ATP1A3: variants seen among roughly 807,000 people sequenced by gnomAD.
The protein encoded by ATP1A3 is ATPase Na+/K+ transporting subunit alpha 3.
A neutral mutation model predicts 108.8 loss-of-function variants in ATP1A3; 12 were observed. That is an observed-to-expected ratio of 0.11 (90% CI 0.07 to 0.18). The LOEUF (loss-of-function observed/expected upper bound fraction) is 0.18, where lower values mean the gene tolerates loss of function less well. ATP1A3 is among the 10% of genes least tolerant of loss of function. The probability of loss-of-function intolerance (pLI) is 1.00; values close to 1 mark genes in which losing one functional copy is unlikely to be tolerated. For synonymous variants in ATP1A3, 539 were observed against 564.5 expected, an observed-to-expected ratio of 0.95 and a Z score of 0.64; for missense variants, 498 against 1,387.7, an observed-to-expected ratio of 0.36 and a Z score of 10.19.
rs2075192245 is a variant in ATP1A3 at position 41,978,190 on chromosome 19, G to T, written c.1767C>A (p.Val589=). The change falls in exon 13 of 23, where the codon GTC becomes GTA. Residue 589 remains valine, a synonymous_variant. Coordinates refer to ENST00000648268, the MANE Select transcript of ATP1A3 (RefSeq NM_152296.5). The surrounding 1 kb of genome is among the most constrained non-coding windows in gnomAD (Gnocchi z 8.3). ...MSMIDPPRAA[V]PDAVGKCRSA... ...TGCGACACTTGCCCACCGCGTCAGGGACGGCTGCCCGGGGTGGGTCGATCA... is the reference window on the plus strand; with the variant it reads ...TGCGACACTTGCCCACCGCGTCAGGTACGGCTGCCCGGGGTGGGTCGATCA... 6.2e-7 allele frequency: 1 copy of T among 1,614,120 alleles called. No individual in the cohort carries two copies.
rs2075056581 is a variant in ATP1A3 at position 41,967,523 on chromosome 19, G to A, written c.2921+139C>T. ...TAATCCGTGGTGGGAGCAGCCTATGGGGGAGGCTCGGGGGCATCAGAATGG... is the reference window on the plus strand; with the variant it reads ...TAATCCGTGGTGGGAGCAGCCTATGAGGGAGGCTCGGGGGCATCAGAATGG... On this transcript the variant is annotated intron_variant, in intron 21 of 22. Transcript: ENST00000648268. The surrounding 1 kb of genome is among the most constrained non-coding windows in gnomAD (Gnocchi z 4.2). The A allele has an allele frequency of 2.9e-5, 34 of 1,158,652 alleles. No individual in the cohort carries two copies. Among genetic ancestry groups the A allele is most frequent in the Non-Finnish European group, 4.1e-5 (33 of 811,110 alleles). 71.8% of individuals were successfully genotyped at this position (1,158,652 alleles called of 1,614,324 possible).
chr19:41,973,393 C>T (rs1383410616), intron 16 of ATP1A3, among the ~76,000 whole-genome samples: 1 of 152,162 alleles, frequency 6.6e-6, no homozygotes, highest in Non-Finnish European at 1.5e-5. Context: ...GTCTCTGAGA[C>T]TACAGGTGTG....
intron 1 of ATP1A3, chr19:41,993,282 AC>A: frequency 8.8e-7 from 1 of 1,132,232 alleles, no homozygotes; most frequent in Non-Finnish European, 1.3e-6. Flanking sequence ...GGAGAGACTC[AC>A]AGACAGACAA....
intron 1 of ATP1A3, among the ~76,000 whole-genome samples, chr19:41,989,985 G>C (rs1346319375): frequency 6.6e-6 from 1 of 152,086 alleles, no homozygotes; most frequent in Non-Finnish European, 1.5e-5. Flanking sequence ...TCTCTTGGCT[G>C]TGTCTCCCCA....
Position 41,982,020 on chromosome 19 carries a change from C to T in ATP1A3, c.1080G>A (p.Thr360=), listed in dbSNP as rs370511776. 2.7e-5 allele frequency: 44 copies of T among 1,614,032 alleles called. No individual in the cohort carries two copies. Among genetic ancestry groups the T allele is most frequent in the Non-Finnish European group, 3.6e-5 (42 of 1,180,036 alleles). The part of the protein sequence containing the change: ...NLEAVETLGS[T]STICSDKTGT... ...CTGTCTTATCTGAGCAGATGGTGGA[C>T]GTGGAGCCCAGGGTTTCTACAGCCT... Residue 360 remains threonine, a synonymous_variant, in exon 9 of 23, where the codon ACG becomes ACA. Transcript: ENST00000648268.
At position 41,967,087 on chromosome 19, in the gene ATP1A3, G is replaced by T; in HGVS notation, c.3014-122C>A. 1 of 1,552,032 alleles carries T rather than the reference G, an allele frequency of 6.4e-7. No individual in the cohort carries two copies. The highest frequency in any genetic ancestry group is 1.2e-5 in the South Asian group (1 of 83,968). ...GAGACAAGGAAACCACACAGACAGA[G>T]ACCCGTGAGAAGACAGAGTGGGTGC... On this transcript the variant is annotated intron_variant, in intron 22 of 22. Coordinates refer to ENST00000648268, the MANE Select transcript of ATP1A3 (RefSeq NM_152296.5). This position sits in a 1 kb window ranked among gnomAD's most constrained non-coding sequence, Gnocchi z 4.2.
In ATP1A3 at chr19:41,985,481, T is replaced by G; in HGVS notation, c.607-58A>C. 6.6e-7 allele frequency: 1 copy of G among 1,505,478 alleles called. No individual in the cohort carries two copies. The allele number at this position is 1,505,478 out of a possible 1,614,324, so 93.3% of individuals were successfully genotyped here. A position where few individuals can be genotyped will look rare whatever the true frequency, so the allele number is the denominator to read the frequency against. ...TCCAGGGCCTGGGACAGGAGGGTAT[T>G]TGTGTACAGGGCTTGGGGCTGAAGC... On this transcript the variant is annotated intron_variant, in intron 6 of 22. Coordinates refer to ENST00000648268, the MANE Select transcript of ATP1A3 (RefSeq NM_152296.5). This position sits in a 1 kb window ranked among gnomAD's most constrained non-coding sequence, Gnocchi z 8.2.
chr19:41,981,441 C>G lies in ATP1A3; in HGVS notation c.1437+61G>C. The G allele has an allele frequency of 1.2e-6, 2 of 1,611,482 alleles. No individual in the cohort carries two copies. Among genetic ancestry groups the G allele is most frequent in the South Asian group, 2.2e-5 (2 of 90,808 alleles). Reference sequence around the variant, plus strand: ...GGAAAATCAAGGCTCTATGACACCTCTTTACAGGCGTCATAAGGAACCTGA... The same window carrying G: ...GGAAAATCAAGGCTCTATGACACCTGTTTACAGGCGTCATAAGGAACCTGA... On this transcript the variant is annotated intron_variant, in intron 11 of 22. Coordinates refer to ENST00000648268, the MANE Select transcript of ATP1A3 (RefSeq NM_152296.5). This position sits in a 1 kb window ranked among gnomAD's most constrained non-coding sequence, Gnocchi z 5.0.
intron 8 of ATP1A3, among the ~76,000 whole-genome samples, chr19:41,982,533 C>T (rs576795817): frequency 1.3e-5 from 2 of 151,780 alleles, no homozygotes; most frequent in South Asian, 2.1e-4. Flanking sequence ...AGCTGAGGCA[C>T]GAGAACCCCT....
chr19:41,976,491 C>T lies in ATP1A3; in HGVS notation c.2019G>A (p.Gln673=). Reference sequence around the variant, plus strand: ...GGGCGAAGACGATCTCGGTGTGATTCTGCAGGATCTCGTCGATTTGCTCGG... The same window carrying T: ...GGGCGAAGACGATCTCGGTGTGATTTTGCAGGATCTCGTCGATTTGCTCGG... ...FTSEQIDEIL[Q]NHTEIVFART... The change falls in exon 15 of 23, where the codon CAG becomes CAA. Residue 673 remains glutamine (Q), a synonymous_variant. Coordinates refer to ENST00000648268, the MANE Select transcript of ATP1A3 (RefSeq NM_152296.5). 2 of 1,614,206 alleles carry T rather than the reference C, an allele frequency of 1.2e-6. No homozygotes were observed. The highest frequency in any genetic ancestry group is 1.7e-6 in the Non-Finnish European group (2 of 1,180,046).
chr19:41,988,689 G>A lies in ATP1A3; in HGVS notation c.7-127C>T. On this transcript the variant is annotated intron_variant, in intron 1 of 22. Coordinates refer to ENST00000648268, the MANE Select transcript of ATP1A3 (RefSeq NM_152296.5). This position sits in a 1 kb window ranked among gnomAD's most constrained non-coding sequence, Gnocchi z 5.3. ...CGGTGCCCCTGCATCTCTGGGTGGG[G>A]GGTCTCTGTCTGCCTCTCGGGGTCT... is the stretch of plus-strand genomic sequence containing the variant. The A allele has an allele frequency of 6.3e-7, 1 of 1,576,398 alleles. No homozygotes were observed. Among genetic ancestry groups the A allele is most frequent in the Non-Finnish European group, 8.6e-7 (1 of 1,164,470 alleles).
chr19:41,970,770 T>C (rs1462484969), intron 16 of ATP1A3, among the ~76,000 whole-genome samples: 3 of 151,246 alleles, frequency 2.0e-5, no homozygotes, highest in Admixed American at 6.6e-5. Flanking sequence ...TAGCTGGCAC[T>C]ACAGGCACCT....
Position 41,978,298 on chromosome 19 carries a change from C to T in ATP1A3, c.1659G>A (p.Glu553=). ...CGAAGGCAAAGCCCTTGGGGAACTG[C>T]TCCTCGGGCAGGTAATAATGGCAGA... ...LGFCHYYLPE[E]QFPKGFAFDC... Residue 553 remains glutamate (E), a synonymous_variant, in exon 13 of 23, where the codon GAG becomes GAA. Coordinates refer to ENST00000648268, the MANE Select transcript of ATP1A3 (RefSeq NM_152296.5). This position sits in a 1 kb window ranked among gnomAD's most constrained non-coding sequence, Gnocchi z 8.3. 6.2e-7 allele frequency: 1 copy of T among 1,608,696 alleles called. No individual in the cohort carries two copies. Among genetic ancestry groups the T allele is most frequent in the Non-Finnish European group, 8.5e-7 (1 of 1,177,740 alleles).
chr19:41,975,502 C>T (rs2075156128), intron 16 of ATP1A3, 127 bp downstream of exon 16: 2 of 1,382,770 alleles, frequency 1.4e-6, no homozygotes, highest in African/African-American at 1.4e-5. Context: ...CAGGCTCAGG[C>T]TCCTCCAGGG....
In ATP1A3 at chr19:41,967,844, A is replaced by G; in HGVS notation, c.2820-81T>C. 2.5e-5 allele frequency: 31 copies of G among 1,219,154 alleles called. No individual in the cohort carries two copies. The highest frequency in any genetic ancestry group is 3.3e-5 in the Non-Finnish European group (28 of 836,018). The allele number at this position is 1,219,154 out of a possible 1,614,324, so 75.5% of individuals were successfully genotyped here. A position where few individuals can be genotyped will look rare whatever the true frequency, so the allele number is the denominator to read the frequency against. On this transcript the variant is annotated intron_variant, in intron 20 of 22. Coordinates refer to ENST00000648268, the MANE Select transcript of ATP1A3 (RefSeq NM_152296.5). The surrounding 1 kb of genome is among the most constrained non-coding windows in gnomAD (Gnocchi z 4.2). ...ACCCCGCAGAGACAGGGGGAGGCAC[A>G]GTGCAGACACCCAGAGACAGCAGCA...
chr19:41,980,841 G>A (rs1381180959), intron 11 of ATP1A3, among the ~76,000 whole-genome samples: 1 of 151,810 alleles, frequency 6.6e-6, no homozygotes, highest in African/African-American at 2.4e-5. Flanking sequence ...AACCCGGGAG[G>A]TGGAGCTTGC....
At chr19:41,992,685 G>A (rs1308268027) in intron 1 of ATP1A3, among the ~76,000 whole-genome samples, 1 of 151,496 alleles carries the variant, frequency 6.6e-6, no homozygotes, top group Non-Finnish European at 1.5e-5. Flanking sequence ...TCTCAGCCAT[G>A]TCTCTCTGCT....
chr19:41,986,712 T>TC, intron 4 of ATP1A3: 1 of 175,040 alleles, frequency 5.7e-6, no homozygotes, highest in South Asian at 1.4e-4. Flanking sequence ...AGTGCTGGGA[T>TC]TACAGGTGTG....
At chr19:41,972,804 G>GGGAAGGAA (rs782125486) in intron 16 of ATP1A3, among the ~76,000 whole-genome samples, 10,942 of 74,758 alleles carry the variant, frequency 0.15, 1,085 homozygotes, top group Non-Finnish European at 0.18. Flanking sequence ...AGGAAGGAAG[G>GGGAAGGAA]GGAAGGAAGG....
Sources: allele counts gnomAD v4.1 joint callset (sites outside exome capture counted in the v4.1 genomes callset), GRCh38; gene constraint gnomAD v4.1.1; non-coding constraint Gnocchi (gnomAD v3.1); transcripts MANE v1.5; gene names NCBI Gene and HGNC (gene_info 2026-07-23, HGNC 2026-07-21).